Variants in POLH observed in about 807,000 individuals in gnomAD.
The protein encoded by POLH is DNA polymerase eta transcript.
Under a neutral mutation model 73.6 loss-of-function variants are expected in POLH, and 53 were observed. The observed-to-expected ratio is 0.72, with a 90% CI of 0.58 to 0.91. The LOEUF is 0.91. POLH is among the 40% of genes least tolerant of loss of function. The pLI is 0.00. For missense variants in POLH, 768 were observed against 865.4 expected (o/e 0.89, Z 1.41); for synonymous variants, 292 against 308.5 (o/e 0.95, Z 0.56).
In POLH at chr6:43,582,474, T is replaced by C. The variant is rs1389519165; in HGVS notation, c.137+18T>C. ...GGTGGTGGGTATGTATCATTGTTAT[T>C]GTCACAACTATTCAATGGTAACACA... On this transcript the variant is annotated intron_variant, in intron 2 of 10. Transcript: ENST00000372236. 6.2e-7 allele frequency: 1 copy of C among 1,611,104 alleles called. No homozygotes were observed. Among genetic ancestry groups the C allele is most frequent in the Admixed American group, 1.7e-5 (1 of 60,014 alleles).
intron 1 of POLH, among the ~76,000 whole-genome samples, chr6:43,578,058 G>A (rs1253637894): frequency 6.7e-6 from 1 of 149,214 alleles, no homozygotes; most frequent in African/African-American, 2.5e-5. Flanking sequence ...TTCAGCCTGG[G>A]TGACAGACGG....
Position 43,618,165 on chromosome 6 carries a change from AT to A in POLH, c.*3617del, listed in dbSNP as rs888019165. ...ATGTTTATACTACTGTATTATTATT[AT>A]TTTTTTTTGAGATGGAGTCTCGCTG... is the stretch of plus-strand genomic sequence containing the variant. On this transcript the variant is annotated 3_prime_UTR_variant, in exon 11 of 11. Transcript: ENST00000372236. 1.3e-5 allele frequency among the ~76,000 whole-genome samples: 2 copies of A among 150,656 alleles called. No individual in the cohort carries two copies. Among genetic ancestry groups the A allele is most frequent in the African/African-American group, 4.9e-5 (2 of 41,026 alleles).
In POLH at chr6:43,605,016, G is replaced by A. The variant is rs144075687; in HGVS notation, c.1009-238G>A. ...GTTTGGGTCTTGTCTTTTTCTCAGAGCTGGAACATGCTTGAAAGTCACCTG... is the reference window on the plus strand; with the variant it reads ...GTTTGGGTCTTGTCTTTTTCTCAGAACTGGAACATGCTTGAAAGTCACCTG... On this transcript the variant is annotated intron_variant, in intron 8 of 10. Coordinates refer to ENST00000372236, the MANE Select transcript of POLH (RefSeq NM_006502.3). 8.5e-5 allele frequency among the ~76,000 whole-genome samples: 13 copies of A among 152,256 alleles called. No homozygotes were observed. In the East Asian group the frequency reaches 2.3e-3, roughly 27 times the overall value.
chr6:43,602,995 C>CTTTT (rs59306548), intron 6 of POLH, among the ~76,000 whole-genome samples: 8 of 114,020 alleles, frequency 7.0e-5, no homozygotes, highest in South Asian at 2.8e-4. Flanking sequence ...TTATGTATTC[C>CTTTT]TTTTTTTTTT....
At chr6:43,599,181 G>A (rs1237581567) in intron 5 of POLH, among the ~76,000 whole-genome samples, 1 of 151,848 alleles carries the variant, frequency 6.6e-6, no homozygotes, top group East Asian at 1.9e-4. Flanking sequence ...TGGAGACAGG[G>A]TTTCACCATA....
Position 43,614,201 on chromosome 6 carries a change from G to T in POLH, c.1786G>T (p.Asp596Tyr). 6.2e-7 allele frequency: 1 copy of T among 1,613,068 alleles called. No homozygotes were observed. The highest frequency in any genetic ancestry group is 8.5e-7 in the Non-Finnish European group (1 of 1,179,078). Residue 596 changes from aspartate (D) to tyrosine (Y), a missense_variant, in exon 11 of 11, where the codon GAT becomes TAT. Asp to Tyr is a radical substitution (Grantham distance 160, BLOSUM62 -3). Coordinates refer to ENST00000372236, the MANE Select transcript of POLH (RefSeq NM_006502.3). ...ESSKATPAEM[D>Y]LAHNSQSMHA... ...CTCTAAAGCAACTCCTGCAGAGATG[G>T]ATTTGGCCCACAACAGCCAAAGCAT... is the stretch of plus-strand genomic sequence containing the variant.
intron 4 of POLH, chr6:43,588,172 G>A (rs1765047166): frequency 6.4e-6 from 1 of 157,214 alleles, no homozygotes; most frequent in Admixed American, 6.1e-5. Flanking sequence ...GGTATAGGGA[G>A]TTGAGTGATT....
chr6:43,579,031 G>C (rs1763714379), intron 1 of POLH, among the ~76,000 whole-genome samples: 1 of 152,214 alleles, frequency 6.6e-6, no homozygotes, highest in African/African-American at 2.4e-5. Context: ...TATGCCAGCA[G>C]TACAGGTTGA....
intron 1 of POLH, among the ~76,000 whole-genome samples, chr6:43,578,907 T>G (rs1763699860): frequency 6.6e-6 from 1 of 152,220 alleles, no homozygotes; most frequent in African/African-American, 2.4e-5. Context: ...ATGGTGAGCC[T>G]ATTTTTATGT....
At chr6:43,604,762 C>A in intron 8 of POLH, 24 bp downstream of exon 8, 1 of 1,613,766 alleles carries the variant, frequency 6.2e-7, no homozygotes. Context: ...CTTGACAGAA[C>A]ACTACCTCTT....
intron 7 of POLH, 144 bp downstream of exon 7, chr6:43,604,155 A>G (rs774837288): frequency 6.3e-5 from 48 of 760,460 alleles, no homozygotes; most frequent in Non-Finnish European, 9.3e-5. Flanking sequence ...TCTTGCTTCA[A>G]TATCTTGGGT....
intron 4 of POLH, 138 bp from the exon 5 acceptor site, chr6:43,597,558 G>T: frequency 1.4e-6 from 1 of 733,610 alleles, no homozygotes; most frequent in Non-Finnish European, 2.3e-6. Context: ...CTTATAATTG[G>T]TCTTCTAAGC....
intron 4 of POLH, among the ~76,000 whole-genome samples, chr6:43,591,737 C>T (rs1369900450): frequency 6.6e-6 from 1 of 151,992 alleles, no homozygotes; most frequent in Non-Finnish European, 1.5e-5. Context: ...GCTATAGACC[C>T]TTGCTGGCCT....
Position 43,614,712 on chromosome 6 carries a change from C to A in POLH, c.*155C>A. 1.5e-6 allele frequency: 1 copy of A among 657,406 alleles called. No homozygotes were observed. Among genetic ancestry groups the A allele is most frequent in the Non-Finnish European group, 2.6e-6 (1 of 391,580 alleles). 40.7% of individuals were successfully genotyped at this position (657,406 alleles called of 1,614,324 possible). On this transcript the variant is annotated 3_prime_UTR_variant, in exon 11 of 11. Coordinates refer to ENST00000372236, the MANE Select transcript of POLH (RefSeq NM_006502.3). ...TTTAGGTGCTGAGTTACGGTCCCAT[C>A]TCTTCACAGGCATGGATTCTAATCC...
intron 4 of POLH, among the ~76,000 whole-genome samples, chr6:43,595,628 G>A (rs1235500153): frequency 6.6e-6 from 1 of 152,020 alleles, no homozygotes; most frequent in Non-Finnish European, 1.5e-5. Flanking sequence ...GCAGGCGACT[G>A]TAGTCCCAGC....
At chr6:43,604,520 A>C (rs1276196943) in intron 7 of POLH, 95 bp from the exon 8 acceptor site, 37 of 1,377,898 alleles carry the variant, frequency 2.7e-5, no homozygotes, top group Non-Finnish European at 3.8e-5. Context: ...TTTTCATGAA[A>C]AAGATAAAAG....
At chr6:43,594,113 A>T (rs1426560821) in intron 4 of POLH, among the ~76,000 whole-genome samples, 2 of 152,214 alleles carry the variant, frequency 1.3e-5, no homozygotes, top group African/African-American at 2.4e-5. Flanking sequence ...ATAAAGGATT[A>T]AATTTAAAAA....
intron 4 of POLH, among the ~76,000 whole-genome samples, chr6:43,594,812 G>C (rs1051280384): frequency 1.3e-5 from 2 of 152,220 alleles, no homozygotes; most frequent in African/African-American, 4.8e-5. Context: ...CACATGGTCA[G>C]TAGGTTATGA....
intron 10 of POLH, among the ~76,000 whole-genome samples, chr6:43,611,153 C>G (rs1767844045): frequency 6.6e-6 from 1 of 152,206 alleles, no homozygotes; most frequent in African/African-American, 2.4e-5. Flanking sequence ...GTACCAACCT[C>G]AGAAACAAGA....
Sources: gnomAD v4.1 joint callset for allele counts (sites outside exome capture counted in the v4.1 genomes callset) on GRCh38, gnomAD v4.1.1 for gene constraint, MANE v1.5 for transcripts, NCBI Gene and HGNC (gene_info 2026-07-23, HGNC 2026-07-21) for gene names.